Variants in KIAA1549L observed in about 807,000 individuals in gnomAD.
KIAA1549L encodes the protein KIAA1549 like.
Under a neutral mutation model 160.7 loss-of-function variants are expected in KIAA1549L, and 88 were observed. The observed-to-expected ratio is 0.55, with a 90% CI of 0.46 to 0.65. The LOEUF (loss-of-function observed/expected upper bound fraction) is 0.65, where lower values mean the gene tolerates loss of function less well. Ranked by LOEUF, KIAA1549L falls within the 30% of genes least tolerant of loss-of-function variation. The pLI, the probability that KIAA1549L is intolerant of heterozygous loss-of-function variation, is 0.00. For missense variants in KIAA1549L, 2,258 were observed against 2,437.5 expected (o/e 0.93, Z 1.55); for synonymous variants, 950 against 976.7 (o/e 0.97, Z 0.51).
At chr11:33,666,903 T>C (rs1852476026) in intron 20 of KIAA1549L, among the ~76,000 whole-genome samples, 1 of 152,220 alleles carries the variant, frequency 6.6e-6, no homozygotes. Context: ...TCCTAGCTTA[T>C]TGCTTTGAGA....
intron 1 of KIAA1549L, among the ~76,000 whole-genome samples, chr11:33,405,949 G>A (rs1261223009): frequency 6.6e-6 from 1 of 151,832 alleles, no homozygotes; most frequent in Non-Finnish European, 1.5e-5. Context: ...CTATGTTAAT[G>A]GGCTTGTGGA....
intron 1 of KIAA1549L, among the ~76,000 whole-genome samples, chr11:33,386,008 G>A (rs1046375425): frequency 3.9e-5 from 6 of 152,080 alleles, no homozygotes; most frequent in African/African-American, 1.2e-4. Context: ...TTTCTAAATA[G>A]GAAATAATGT....
chr11:33,385,771 A>C (rs1850161701), intron 1 of KIAA1549L, among the ~76,000 whole-genome samples: 2 of 151,598 alleles, frequency 1.3e-5, no homozygotes, highest in Admixed American at 6.6e-5. Flanking sequence ...CCGTGAACAT[A>C]TCTCTCTCCA....
chr11:33,616,463 A>G (rs1031521019), intron 15 of KIAA1549L, among the ~76,000 whole-genome samples: 2 of 152,146 alleles, frequency 1.3e-5, no homozygotes, highest in Non-Finnish European at 2.9e-5. Context: ...CCTGAATCAC[A>G]TGCCTACCCC....
At chr11:33,633,139 C>CAT (rs1851345728) in intron 16 of KIAA1549L, among the ~76,000 whole-genome samples, 2 of 50,714 alleles carry the variant, frequency 3.9e-5, no homozygotes, top group Non-Finnish European at 6.7e-5. Context: ...CCATGCCCAG[C>CAT]TTTTTTTTTT....
At chr11:33,596,437 T>C (rs1850201896) in intron 12 of KIAA1549L, among the ~76,000 whole-genome samples, 1 of 152,006 alleles carries the variant, frequency 6.6e-6, no homozygotes, top group Admixed American at 6.6e-5. Flanking sequence ...GGTATGAAAA[T>C]GCTACAAAAA....
chr11:33,425,184 A>G (rs1851091684), intron 1 of KIAA1549L, among the ~76,000 whole-genome samples: 1 of 152,206 alleles, frequency 6.6e-6, no homozygotes, highest in Admixed American at 6.5e-5. Context: ...GAGTTAATTG[A>G]TTTGAAGATT....
chr11:33,554,561 C>G (rs988485166), intron 6 of KIAA1549L, among the ~76,000 whole-genome samples: 1 of 152,184 alleles, frequency 6.6e-6, no homozygotes, highest in African/African-American at 2.4e-5. Context: ...ATGGGGTGGC[C>G]GCTCACAACC....
At chr11:33,598,014 T>C (rs1390230299) in intron 12 of KIAA1549L, among the ~76,000 whole-genome samples, 1 of 152,138 alleles carries the variant, frequency 6.6e-6, no homozygotes, top group African/African-American at 2.4e-5. Context: ...ACACAGTAGG[T>C]GATCCTGGTG....
At chr11:33,492,631 C>T (rs1852707211) in intron 1 of KIAA1549L, among the ~76,000 whole-genome samples, 1 of 152,196 alleles carries the variant, frequency 6.6e-6, no homozygotes, top group Non-Finnish European at 1.5e-5. Flanking sequence ...AACACTGGAA[C>T]AATCTCCGAG....
intron 1 of KIAA1549L, among the ~76,000 whole-genome samples, chr11:33,526,198 C>T (rs1853607659): frequency 6.6e-6 from 1 of 152,200 alleles, no homozygotes; most frequent in Admixed American, 6.5e-5. Flanking sequence ...GTGCCACCTC[C>T]TGTCTGGAGG....
chr11:33,457,904 C>T (rs1291456211), intron 1 of KIAA1549L, among the ~76,000 whole-genome samples: 1 of 152,194 alleles, frequency 6.6e-6, no homozygotes, highest in African/African-American at 2.4e-5. Context: ...CAGGCCCACA[C>T]AGAGTCCACA....
At chr11:33,585,942 A>C (rs1241983900) in intron 11 of KIAA1549L, among the ~76,000 whole-genome samples, 1 of 152,170 alleles carries the variant, frequency 6.6e-6, no homozygotes, top group East Asian at 1.9e-4. Context: ...TTCCCCCTCC[A>C]TGAGGCTGGG....
At chr11:33,555,961 A>C (rs1379757942) in intron 6 of KIAA1549L, among the ~76,000 whole-genome samples, 1 of 152,178 alleles carries the variant, frequency 6.6e-6, no homozygotes, top group Non-Finnish European at 1.5e-5. Context: ...ACAACTCAAT[A>C]ATAAAAACAA....
At chr11:33,551,340 C>G in intron 5 of KIAA1549L, 81 bp downstream of exon 5, 10 of 1,169,386 alleles carry the variant, frequency 8.6e-6, no homozygotes, top group Non-Finnish European at 1.1e-5. Context: ...TTAAAAGCTC[C>G]ATTGCTAGCT....
intron 9 of KIAA1549L, among the ~76,000 whole-genome samples, chr11:33,574,198 CT>C (rs1252881917): frequency 8.1e-6 from 1 of 123,590 alleles, no homozygotes; most frequent in African/African-American, 3.5e-5. Flanking sequence ...ATATGTATAA[CT>C]TTTAGGTAAA....
chr11:33,438,486 C>T (rs369363670), intron 1 of KIAA1549L, among the ~76,000 whole-genome samples: 12 of 152,192 alleles, frequency 7.9e-5, no homozygotes, highest in Non-Finnish European at 1.6e-4. Context: ...CAGCTGTGCC[C>T]GTGGTGACAG....
rs113968463 is a variant in KIAA1549L at position 33,558,711 on chromosome 11, A to C, written c.3856-1038A>C. The stretch of plus-strand genomic sequence containing the variant: ...GCAACTGAAAAACTAGCTTCGACAA[A>C]ATGTGAAAAGAAAACCGTGCCATCT... On this transcript the variant is annotated intron_variant, in intron 6 of 20. Coordinates refer to ENST00000658780, the MANE Select transcript of KIAA1549L (RefSeq NM_012194.3). 9.8e-5 allele frequency among the ~76,000 whole-genome samples: 15 copies of C among 152,336 alleles called. 2 individuals are homozygous for C. Among genetic ancestry groups the C allele is most frequent in the African/African-American group, 3.6e-4 (15 of 41,562 alleles).
intron 1 of KIAA1549L, among the ~76,000 whole-genome samples, chr11:33,387,390 C>T (rs1234897128): frequency 1.3e-5 from 2 of 152,052 alleles, no homozygotes; most frequent in Non-Finnish European, 2.9e-5. Flanking sequence ...ACTGCAATCT[C>T]CACGTCCCAG....
Sources: allele counts gnomAD v4.1 joint callset (sites outside exome capture counted in the v4.1 genomes callset), GRCh38; gene constraint gnomAD v4.1.1; transcripts MANE v1.5; gene names NCBI Gene and HGNC (gene_info 2026-07-23, HGNC 2026-07-21).